IKZF2: variants seen among roughly 807,000 people sequenced by gnomAD.
IKZF2 encodes the protein zinc finger protein Helios.
Under a neutral mutation model 49.2 loss-of-function variants are expected in IKZF2, and 15 were observed. The observed-to-expected ratio is 0.30, with a 90% CI of 0.20 to 0.47. The LOEUF is 0.47. Ranked by LOEUF, IKZF2 falls within the 20% of genes least tolerant of loss-of-function variation. The pLI is 1.00. For synonymous variants in IKZF2, 227 were observed against 221.4 expected (o/e 1.03, Z -0.23); for missense variants, 567 against 664.6 (o/e 0.85, Z 1.61).
chr2:213,020,581 A>G (rs1697101668), intron 7 of IKZF2, among the ~76,000 whole-genome samples: 1 of 152,202 alleles, frequency 6.6e-6, no homozygotes, highest in South Asian at 2.1e-4. Flanking sequence ...AGGTTTGTAA[A>G]AAATGTTAAT....
At chr2:213,030,955 A>G (rs1463259770) in intron 6 of IKZF2, among the ~76,000 whole-genome samples, 1 of 151,934 alleles carries the variant, frequency 6.6e-6, no homozygotes, top group African/African-American at 2.4e-5. Context: ...CCTCCTGAGT[A>G]GCTGGGACTA....
intron 4 of IKZF2, among the ~76,000 whole-genome samples, chr2:213,063,644 G>C (rs1443794848): frequency 6.6e-6 from 1 of 151,970 alleles, no homozygotes; most frequent in Admixed American, 6.6e-5. Context: ...TACTCAGAAT[G>C]ACTGCATTGT....
At chr2:213,147,880 C>T (rs1419302644) in intron 3 of IKZF2, 68 bp from the exon 4 acceptor site, 8 of 1,179,132 alleles carry the variant, frequency 6.8e-6, no homozygotes, top group Non-Finnish European at 7.6e-6. Context: ...ACTAACTTTG[C>T]TTTATACACG....
chr2:213,134,269 A>G (rs2060578004), intron 4 of IKZF2, among the ~76,000 whole-genome samples: 1 of 152,196 alleles, frequency 6.6e-6, no homozygotes, highest in African/African-American at 2.4e-5. Flanking sequence ...CCATCTCCCA[A>G]GAGGGGGAAA....
chr2:213,109,652 T>A (rs936934319), intron 4 of IKZF2, among the ~76,000 whole-genome samples: 1 of 152,070 alleles, frequency 6.6e-6, no homozygotes, highest in Non-Finnish European at 1.5e-5. Flanking sequence ...ATATTTATAT[T>A]AACTGTACTA....
intron 4 of IKZF2, among the ~76,000 whole-genome samples, chr2:213,130,129 C>G (rs2060427030): frequency 6.6e-6 from 1 of 152,172 alleles, no homozygotes; most frequent in Admixed American, 6.5e-5. Context: ...GATAGGGACA[C>G]TAGATCTTGT....
At chr2:213,106,238 T>G (rs538234291) in intron 4 of IKZF2, among the ~76,000 whole-genome samples, 1 of 152,218 alleles carries the variant, frequency 6.6e-6, no homozygotes, top group East Asian at 1.9e-4. Flanking sequence ...AAAATCTCTT[T>G]TGTGGTTGAA....
Position 213,007,510 on chromosome 2 carries a change from T to G in IKZF2, c.1431A>C (p.Arg477=), listed in dbSNP as rs144578334. The G allele has an allele frequency of 5.0e-6, 8 of 1,613,592 alleles. No homozygotes were observed. The highest frequency in any genetic ancestry group is 5.9e-6 in the Non-Finnish European group (7 of 1,179,732). Residue 477 remains arginine, a synonymous_variant, in exon 9 of 9, where the codon CGA becomes CGC. Coordinates refer to ENST00000434687, the MANE Select transcript of IKZF2 (RefSeq NM_001387220.1). ...QIRAFKCEHC[R]VLFLDHVMYT... is the part of the protein sequence containing the mutation. ...ACATGACATGGTCTAGGAAAAGGAC[T>G]CGGCAGTGCTCACACTTGAAGGCCC...
In IKZF2 at chr2:213,043,993, G is replaced by A. The variant is rs1177417812; in HGVS notation, c.574+5720C>T. ...GCCATTTTCCACACTTCTTTGCTCT[G>A]CTCCCGCAAAAGCTAATTTTTATTG... On this transcript the variant is annotated intron_variant, in intron 6 of 8. Coordinates refer to ENST00000434687, the MANE Select transcript of IKZF2 (RefSeq NM_001387220.1). Among the ~76,000 whole-genome samples the A allele has an allele frequency of 3.3e-5, 5 of 152,144 alleles. No homozygotes were observed. The South Asian group carries it at 6.2e-4, about 19-fold the overall frequency.
At chr2:213,013,035 G>A (rs556235917) in intron 8 of IKZF2, among the ~76,000 whole-genome samples, 13 of 151,926 alleles carry the variant, frequency 8.6e-5, no homozygotes, top group East Asian at 1.9e-4. Flanking sequence ...AACATTGGGC[G>A]TATCAAAGAA....
intron 4 of IKZF2, among the ~76,000 whole-genome samples, chr2:213,142,881 G>A (rs1007704259): frequency 2.0e-5 from 3 of 151,826 alleles, no homozygotes; most frequent in African/African-American, 7.3e-5. Flanking sequence ...ACCTTCTCTC[G>A]CTCTAGTGGT....
intron 6 of IKZF2, among the ~76,000 whole-genome samples, chr2:213,025,504 C>T (rs1338830894): frequency 1.3e-5 from 2 of 152,214 alleles, no homozygotes; most frequent in East Asian, 3.9e-4. Context: ...TGTAATTAAC[C>T]ATCGGATACC....
chr2:213,055,155 G>A (rs189045324), intron 5 of IKZF2, among the ~76,000 whole-genome samples: 2 of 151,892 alleles, frequency 1.3e-5, no homozygotes, highest in Non-Finnish European at 2.9e-5. Flanking sequence ...ACTGTGTTTT[G>A]TTTGTATTTT....
At chr2:213,114,848 C>G (rs1018081398) in intron 4 of IKZF2, among the ~76,000 whole-genome samples, 4 of 151,588 alleles carry the variant, frequency 2.6e-5, no homozygotes, top group African/African-American at 9.7e-5. Context: ...AGGAAAATCA[C>G]TTGAACCCGG....
chr2:213,002,787 T>C lies in IKZF2; in HGVS notation c.*4573A>G, dbSNP rs1393844802. ...AATACAGATTCCAAGACTAGAACAA[T>C]ACTAGTCTGGAGATGAAAATCCAAA... On this transcript the variant is annotated 3_prime_UTR_variant, in exon 9 of 9. Coordinates refer to ENST00000434687, the MANE Select transcript of IKZF2 (RefSeq NM_001387220.1). The C allele has an allele frequency of 2.0e-5, 3 of 151,978 alleles. No homozygotes were observed. Among genetic ancestry groups the C allele is most frequent in the Non-Finnish European group, 4.4e-5 (3 of 67,560 alleles). 9.4% of individuals were successfully genotyped at this position (151,978 alleles called of 1,614,324 possible). A position where few individuals can be genotyped will look rare whatever the true frequency, so the allele number is the denominator to read the frequency against.
intron 4 of IKZF2, among the ~76,000 whole-genome samples, chr2:213,131,710 C>G (rs2060478593): frequency 6.6e-6 from 1 of 152,100 alleles, no homozygotes; most frequent in African/African-American, 2.4e-5. Flanking sequence ...TAAGCTAGAG[C>G]CATCGTTAGA....
chr2:213,139,524 T>C (rs1395132530), intron 4 of IKZF2, among the ~76,000 whole-genome samples: 1 of 151,844 alleles, frequency 6.6e-6, no homozygotes, highest in East Asian at 1.9e-4. Flanking sequence ...TCAAGCCAAC[T>C]GGAGTGATCC....
chr2:213,035,266 T>C (rs987587081), intron 6 of IKZF2, among the ~76,000 whole-genome samples: 2 of 151,804 alleles, frequency 1.3e-5, no homozygotes, highest in African/African-American at 4.8e-5. Context: ...TTTTTTTCCC[T>C]GTAGCAGTCA....
chr2:213,126,519 G>A (rs2060264365), intron 4 of IKZF2, among the ~76,000 whole-genome samples: 1 of 152,044 alleles, frequency 6.6e-6, no homozygotes, highest in Admixed American at 6.6e-5. Context: ...TATAGAGTTG[G>A]TAATAAATCA....
Sources: allele counts gnomAD v4.1 joint callset (sites outside exome capture counted in the v4.1 genomes callset), GRCh38; gene constraint gnomAD v4.1.1; transcripts MANE v1.5; gene names NCBI Gene and HGNC (gene_info 2026-07-23, HGNC 2026-07-21).